The following DNAH3 variants were observed in gnomAD, a reference collection of about 807,000 sequenced individuals.
DNAH3 encodes the protein dynein axonemal heavy chain 3.
DNAH3 carries 332 observed loss-of-function variants against 432.5 expected under a neutral mutation model. The ratio of observed to expected loss-of-function variants is 0.77; its 90% CI spans 0.70 to 0.84. DNAH3 has a LOEUF of 0.84. Ranked by LOEUF, DNAH3 falls within the 40% of genes least tolerant of loss-of-function variation. DNAH3 has a pLI of 0.00. For synonymous variants in DNAH3, 1,956 were observed against 1,900.2 expected, an observed-to-expected ratio of 1.03 and a Z score of -0.76; for missense variants, 4,861 against 5,114.0, an observed-to-expected ratio of 0.95 and a Z score of 1.51.
chr16:21,078,870 C>A (rs1268558182), intron 20 of DNAH3, among the ~76,000 whole-genome samples: 1 of 152,164 alleles, frequency 6.6e-6, no homozygotes. Context: ...CAATATCACA[C>A]CTCCCTAAAT....
intron 1 of DNAH3, 71 bp from the exon 2 acceptor site, chr16:21,150,605 T>A (rs1303138829): frequency 5.1e-6 from 1 of 197,448 alleles, no homozygotes; most frequent in Admixed American, 5.4e-5. Context: ...CGCTTTTGGC[T>A]CTGGTTCCTA....
exon 35 of DNAH3, chr16:21,036,718 A>T: frequency 6.2e-7 from 1 of 1,613,964 alleles, no homozygotes; most frequent in South Asian, 1.1e-5. Context: ...ACCAACCTGG[A>T]TAATTTTCCC....
At chr16:21,066,168 TG>T (rs2090541643) in intron 24 of DNAH3, among the ~76,000 whole-genome samples, 3 of 151,736 alleles carry the variant, frequency 2.0e-5, no homozygotes, top group Admixed American at 2.0e-4. Flanking sequence ...TTTTTTTTTT[TG>T]TTTTTTTTGG....
At chr16:21,037,959 C>A (rs767599556) in exon 34 of DNAH3, 15 of 1,613,880 alleles carry the variant, frequency 9.3e-6, no homozygotes, top group African/African-American at 2.7e-5. Context: ...GGCGGTAGGT[C>A]GCAACGATCT....
At chr16:21,042,561 G>A (rs905596665) in intron 31 of DNAH3, among the ~76,000 whole-genome samples, 120 of 151,954 alleles carry the variant, frequency 7.9e-4, no homozygotes, top group Non-Finnish European at 1.4e-3. Flanking sequence ...ACACTCTTTT[G>A]TGATGCATCT....
intron 41 of DNAH3, among the ~76,000 whole-genome samples, chr16:21,007,816 A>G (rs1041530191): frequency 2.6e-5 from 4 of 152,134 alleles, no homozygotes; most frequent in Non-Finnish European, 4.4e-5. Context: ...TTCTTCTAAG[A>G]GTTTTATAGT....
rs537414609 is a variant in DNAH3, at chr16:21,020,510, C to T, written c.5777-641G>A. Among the ~76,000 whole-genome samples, 292 of 141,834 alleles carry T rather than the reference C, an allele frequency of 2.1e-3. 2 individuals carry two copies. Among genetic ancestry groups the T allele is most frequent in the African/African-American group, 7.5e-3 (283 of 37,740 alleles). 93.0% of individuals were successfully genotyped at this position (141,834 alleles called of 152,430 possible). ...CTCTGCCTCCTGGGTTCAAGTGATT[C>T]TCCTGCCTCAGCCTCCCAAGTAGCT... On this transcript the variant is annotated intron_variant, in intron 40 of 61. Coordinates refer to ENST00000261383, the Ensembl canonical transcript of DNAH3.
chr16:20,989,411 CAT>C (rs1249375419), intron 44 of DNAH3, among the ~76,000 whole-genome samples: 2 of 151,812 alleles, frequency 1.3e-5, no homozygotes, highest in African/African-American at 2.4e-5. Context: ...TTGAGCTAGA[CAT>C]AAAGTTTTTC....
intron 8 of DNAH3, 125 bp downstream of exon 9, chr16:21,127,562 A>G (rs2092468724): frequency 9.7e-7 from 1 of 1,026,270 alleles, no homozygotes; most frequent in Non-Finnish European, 1.4e-6. Context: ...CTCTGTCTCA[A>G]AAAAAAAAAA....
chr16:21,066,959 T>C (rs1194691523), intron 24 of DNAH3, among the ~76,000 whole-genome samples: 4 of 152,104 alleles, frequency 2.6e-5, no homozygotes, highest in African/African-American at 4.8e-5. Flanking sequence ...GACCACTAGG[T>C]AGAAAAGCTG....
At chr16:20,936,295 G>A (rs1193730790) in intron 60 of DNAH3, among the ~76,000 whole-genome samples, 1 of 152,034 alleles carries the variant, frequency 6.6e-6, no homozygotes, top group Non-Finnish European at 1.5e-5. Context: ...TGAGACTACA[G>A]GCATAAGCCA....
Position 21,035,921 on chromosome 16 carries a change from A to C in DNAH3, c.5085+793T>G, listed in dbSNP as rs530046748. On this transcript the variant is annotated intron_variant, in intron 35 of 61. Transcript: ENST00000261383. ...AATGATGATGCCAATGGTGCTGCTG[A>C]TGATGACGGAGATGGTGGAGTTGAT... is the stretch of plus-strand genomic sequence containing the variant. Among the ~76,000 whole-genome samples, 82 of 152,312 alleles carry C rather than the reference A, an allele frequency of 5.4e-4. 1 individual carries two copies. The South Asian group carries it at 0.015, about 28-fold the overall frequency.
rs144809752 is a variant in DNAH3, at chr16:21,083,609, C to T, written c.2878-1882G>A. ...GTAAGGCTCTAACTTTTTCTACCTA[C>T]GTTCTGTAAATGACCAGAACCCCCA... On this transcript the variant is annotated intron_variant, in intron 19 of 61. Transcript: ENST00000261383. 2.9e-3 allele frequency among the ~76,000 whole-genome samples: 439 copies of T among 152,290 alleles called. 3 individuals carry two copies. The highest frequency in any genetic ancestry group is 9.8e-3 in the African/African-American group (407 of 41,572).
intron 21 of DNAH3, among the ~76,000 whole-genome samples, chr16:21,074,987 G>A (rs2090924082): frequency 6.6e-6 from 1 of 152,202 alleles, no homozygotes. Context: ...TTATCTGGGA[G>A]CTTGTTAGAT....
rs147962204 is a variant in DNAH3 at position 20,988,661 on chromosome 16, A to G, written c.6602-596T>C. 6.6e-5 allele frequency among the ~76,000 whole-genome samples: 10 copies of G among 152,334 alleles called. No homozygotes were observed. In the East Asian group the frequency reaches 1.9e-3, roughly 29 times the overall value. On this transcript the variant is annotated intron_variant, in intron 44 of 61. Coordinates refer to ENST00000261383, the Ensembl canonical transcript of DNAH3. ...CATGATCATTGTAAAAGAGTCTATCAATTCAGGAATACTTTTGTTGAAAGT... is the reference window on the plus strand; with the variant it reads ...CATGATCATTGTAAAAGAGTCTATCGATTCAGGAATACTTTTGTTGAAAGT...
At position 21,058,158 on chromosome 16, in the gene DNAH3, C is replaced by T. The variant is rs374632548; in HGVS notation, c.3852G>A (p.Gln1284=). The T allele has an allele frequency of 1.9e-5, 30 of 1,613,872 alleles. No individual in the cohort carries two copies. In the African/African-American group the frequency reaches 3.3e-4, roughly 18 times the overall value. ...AGATGGAGGAGACACAGATAACCAC[C>T]TGTCCAGGCCACTGTAAGACCCAGT... The change falls in exon 27 of 62, where the codon CAG becomes CAA. Residue 1284 remains glutamine (Q), a synonymous_variant. Coordinates refer to ENST00000261383, the Ensembl canonical transcript of DNAH3.
At chr16:21,131,854 CAAAA>C (rs528482208) in intron 7 of DNAH3, among the ~76,000 whole-genome samples, 53 of 67,658 alleles carry the variant, frequency 7.8e-4, no homozygotes, top group Middle Eastern at 0.01. Flanking sequence ...AACTCCATCT[CAAAA>C]AAAAAAAAAA....
intron 5 of DNAH3, 176 bp from the exon 7 acceptor site, chr16:21,136,689 C>T: frequency 1.6e-6 from 1 of 624,738 alleles, no homozygotes; most frequent in South Asian, 1.9e-5. Context: ...AGATCACTGG[C>T]AAATTTTCCC....
intron 44 of DNAH3, among the ~76,000 whole-genome samples, chr16:20,989,215 T>G (rs1346869241): frequency 6.6e-6 from 1 of 152,192 alleles, no homozygotes; most frequent in Non-Finnish European, 1.5e-5. Context: ...GGGTGCTGAT[T>G]GGTGCATTTA....
Sources: gnomAD v4.1 joint callset for allele counts (sites outside exome capture counted in the v4.1 genomes callset) on GRCh38, gnomAD v4.1.1 for gene constraint, MANE v1.5 for transcripts, NCBI Gene and HGNC (gene_info 2026-07-23, HGNC 2026-07-21) for gene names.